FER: variants seen among roughly 807,000 people sequenced by gnomAD.
FER encodes FER tyrosine kinase.
Under a neutral mutation model 111.0 loss-of-function variants are expected in FER, and 63 were observed. That is an observed-to-expected ratio of 0.57 (90% CI 0.46 to 0.70). The LOEUF (loss-of-function observed/expected upper bound fraction) is 0.70. Among genes scored for constraint, FER ranks in the 30% least tolerant of loss-of-function variants. The probability of loss-of-function intolerance (pLI) is 0.00; values close to 1 mark genes in which losing one functional copy is unlikely to be tolerated. For synonymous variants in FER, 327 were observed against 313.9 expected, an observed-to-expected ratio of 1.04 and a Z score of -0.44; for missense variants, 914 against 954.0, an observed-to-expected ratio of 0.96 and a Z score of 0.55.
intron 3 of FER, among the ~76,000 whole-genome samples, chr5:108,802,988 C>A (rs1382257846): frequency 6.6e-6 from 1 of 152,136 alleles, no homozygotes; most frequent in Non-Finnish European, 1.5e-5. Flanking sequence ...CGTCTCTCCA[C>A]AACCTCACGA....
At chr5:109,168,736 A>G (rs1756803612) in intron 17 of FER, among the ~76,000 whole-genome samples, 1 of 152,168 alleles carries the variant, frequency 6.6e-6, no homozygotes, top group Non-Finnish European at 1.5e-5. Flanking sequence ...TTAAAATCCT[A>G]TGTCTTAGTT....
rs189453593 is a variant in FER, at chr5:108,985,399, A to G, written c.1656+26052A>G. Among the ~76,000 whole-genome samples the G allele has an allele frequency of 1.5e-4, 23 of 151,960 alleles. No homozygotes were observed. In the East Asian group the frequency reaches 4.2e-3, roughly 28 times the overall value. On this transcript the variant is annotated intron_variant, in intron 13 of 19. Transcript: ENST00000281092. The stretch of plus-strand genomic sequence containing the variant: ...TCGTGCATTTAACCTGATAGTCACT[A>G]TTTGTTTCTTTCCACTTTTTAAAAG...
At chr5:108,925,357 G>C (rs561245942) in intron 10 of FER, among the ~76,000 whole-genome samples, 1 of 151,952 alleles carries the variant, frequency 6.6e-6, no homozygotes, top group East Asian at 1.9e-4. Context: ...ATGATATGTA[G>C]CTATATAGTT....
intron 6 of FER, among the ~76,000 whole-genome samples, chr5:108,869,735 T>C (rs1254932584): frequency 6.6e-6 from 1 of 152,128 alleles, no homozygotes; most frequent in East Asian, 1.9e-4. Flanking sequence ...CTTGGGCTAT[T>C]GACTTCCACA....
intron 3 of FER, among the ~76,000 whole-genome samples, chr5:108,799,528 G>T (rs1334499179): frequency 6.6e-6 from 1 of 152,094 alleles, no homozygotes; most frequent in African/African-American, 2.4e-5. Flanking sequence ...CTAGTCTGAA[G>T]GTAGAGCTGC....
At chr5:108,880,617 G>C (rs894115885) in intron 8 of FER, among the ~76,000 whole-genome samples, 1 of 151,960 alleles carries the variant, frequency 6.6e-6, no homozygotes, top group Non-Finnish European at 1.5e-5. Context: ...TTATCTGATA[G>C]TCAGAATATG....
intron 16 of FER, among the ~76,000 whole-genome samples, chr5:109,095,132 G>A (rs1489101250): frequency 6.6e-6 from 1 of 152,024 alleles, no homozygotes; most frequent in Non-Finnish European, 1.5e-5. Context: ...CATGACCATC[G>A]ATGAACCTCA....
At chr5:109,156,694 A>T (rs1330729475) in intron 17 of FER, among the ~76,000 whole-genome samples, 1 of 152,060 alleles carries the variant, frequency 6.6e-6, no homozygotes, top group African/African-American at 2.4e-5. Context: ...GGGTAGTCAA[A>T]GGTGGTCTAG....
At chr5:108,984,593 T>C (rs1032509770) in intron 13 of FER, among the ~76,000 whole-genome samples, 8 of 152,196 alleles carry the variant, frequency 5.3e-5, no homozygotes, top group African/African-American at 1.9e-4. Flanking sequence ...GTATTATTCA[T>C]TGAGTTATAT....
chr5:108,939,873 A>G (rs1043994166), intron 10 of FER, among the ~76,000 whole-genome samples: 1 of 152,068 alleles, frequency 6.6e-6, no homozygotes, highest in Non-Finnish European at 1.5e-5. Flanking sequence ...TAAGAGTATT[A>G]TTGATGCATG....
At chr5:109,115,563 C>T (rs1164291856) in intron 17 of FER, among the ~76,000 whole-genome samples, 2 of 152,076 alleles carry the variant, frequency 1.3e-5, no homozygotes, top group Non-Finnish European at 2.9e-5. Flanking sequence ...AGTTATTCAA[C>T]CTAAAATTAT....
intron 17 of FER, among the ~76,000 whole-genome samples, chr5:109,134,108 G>A (rs548596886): frequency 6.6e-6 from 1 of 152,000 alleles, no homozygotes; most frequent in Non-Finnish European, 1.5e-5. Flanking sequence ...ATAAAAGAAT[G>A]TTTCCTGTAT....
At position 108,884,519 on chromosome 5, in the gene FER, T is replaced by TG. The variant is rs1554085809; in HGVS notation, c.1046+1001_1046+1002insG. Reference sequence around the variant, plus strand: ...GTTCATTTCTTATGCCTGGTTTTTTTTTTGTTTGTTTGTTTGTTTTTGTAT... The same window carrying TG: ...GTTCATTTCTTATGCCTGGTTTTTTTGTTTGTTTGTTTGTTTGTTTTTGTAT... On this transcript the variant is annotated intron_variant, in intron 9 of 19. Coordinates refer to ENST00000281092, the MANE Select transcript of FER (RefSeq NM_005246.4). 8.6e-5 allele frequency among the ~76,000 whole-genome samples: 13 copies of TG among 151,858 alleles called. No homozygotes were observed. The East Asian group carries it at 1.9e-3, about 23-fold the overall frequency.
intron 16 of FER, among the ~76,000 whole-genome samples, chr5:109,066,517 C>G (rs944394810): frequency 3.3e-5 from 5 of 152,060 alleles, no homozygotes; most frequent in African/African-American, 1.2e-4. Context: ...GATTTCTAAA[C>G]TAATGAGGCT....
chr5:109,189,310 T>TAAAC lies in FER; in HGVS notation c.*1737_*1740dup, dbSNP rs1258424569. 6.6e-6 allele frequency: 1 copy of TAAAC among 152,246 alleles called. No homozygotes were observed. Among genetic ancestry groups the TAAAC allele is most frequent in the Non-Finnish European group, 1.5e-5 (1 of 68,054 alleles). The allele number at this position is 152,246 out of a possible 1,614,324, so 9.4% of individuals were successfully genotyped here. ...ATAAGTTCTCAGGCCTGTGTCCTGG[T>TAAAC]AAACATTACCTTAGTGATTATTTGG... On this transcript the variant is annotated 3_prime_UTR_variant, in exon 20 of 20. Transcript: ENST00000281092.
intron 10 of FER, among the ~76,000 whole-genome samples, chr5:108,929,600 A>T (rs1754277012): frequency 6.8e-6 from 1 of 147,698 alleles, no homozygotes; most frequent in Non-Finnish European, 1.5e-5. Flanking sequence ...GAAGGAGGTG[A>T]TTTTTTTTTT....
At chr5:108,771,805 A>G (rs1752928863) in intron 2 of FER, among the ~76,000 whole-genome samples, 1 of 152,254 alleles carries the variant, frequency 6.6e-6, no homozygotes, top group Non-Finnish European at 1.5e-5. Context: ...AACTTTTAGC[A>G]TGCAGATCCT....
intron 12 of FER, among the ~76,000 whole-genome samples, chr5:108,955,171 A>G (rs1758274653): frequency 6.6e-6 from 1 of 151,862 alleles, no homozygotes; most frequent in Non-Finnish European, 1.5e-5. Flanking sequence ...CAAAGTATAT[A>G]GCTATTTAAA....
At chr5:108,993,366 G>A (rs1022099841) in intron 13 of FER, among the ~76,000 whole-genome samples, 1 of 152,290 alleles carries the variant, frequency 6.6e-6, no homozygotes, top group East Asian at 1.9e-4. Flanking sequence ...GCGAAACCCC[G>A]TCTCCACCAA....
Sources: gnomAD v4.1 joint callset for allele counts (sites outside exome capture counted in the v4.1 genomes callset) on GRCh38, gnomAD v4.1.1 for gene constraint, MANE v1.5 for transcripts, NCBI Gene and HGNC (gene_info 2026-07-23, HGNC 2026-07-21) for gene names.